TMEM71: variants seen among roughly 807,000 people sequenced by gnomAD.
The protein encoded by TMEM71 is transmembrane protein 71.
Under a neutral mutation model 38.0 loss-of-function variants are expected in TMEM71, and 44 were observed. The ratio of observed to expected loss-of-function variants is 1.16; its 90% CI spans 0.91 to 1.49. The LOEUF (loss-of-function observed/expected upper bound fraction) is 1.49, where lower values mean the gene tolerates loss of function less well. TMEM71 is among the 40% of genes most tolerant of loss of function. The probability of loss-of-function intolerance (pLI) is 0.00; values close to 1 mark genes in which losing one functional copy is unlikely to be tolerated. For missense variants in TMEM71, 367 were observed against 348.6 expected, an observed-to-expected ratio of 1.05 and a Z score of -0.42; for synonymous variants, 133 against 122.5, an observed-to-expected ratio of 1.09 and a Z score of -0.56.
upstream of TMEM71, among the ~76,000 whole-genome samples, chr8:132,762,031 T>G (rs1829305722): frequency 6.6e-6 from 1 of 152,140 alleles, no homozygotes; most frequent in Non-Finnish European, 1.5e-5. Context: ...CCTGCCCAGC[T>G]CCCTGGCCCA....
At chr8:132,775,770 G>A in the TMEM71 span, 1 of 245,182 alleles carries the variant, frequency 4.1e-6, no homozygotes, top group Non-Finnish European at 7.6e-6. Context: ...GTAACTCGCC[G>A]GCCCTATTGT....
chr8:132,706,949 TC>T (rs1826103309), downstream of TMEM71, among the ~76,000 whole-genome samples: 1 of 151,846 alleles, frequency 6.6e-6, no homozygotes, highest in African/African-American at 2.4e-5. Context: ...CCCACAAAAT[TC>T]AAAACAAAAA....
chr8:132,753,585 C>T (rs996944585), intron 3 of TMEM71, among the ~76,000 whole-genome samples: 25 of 152,082 alleles, frequency 1.6e-4, no homozygotes, highest in African/African-American at 6.0e-4. Context: ...GGACCCCACA[C>T]TTACTAAGCA....
At chr8:132,750,507 A>T (rs748570111) in intron 4 of TMEM71, among the ~76,000 whole-genome samples, 3 of 152,198 alleles carry the variant, frequency 2.0e-5, no homozygotes, top group Non-Finnish European at 4.4e-5. Flanking sequence ...CAAGGGAATG[A>T]CCTATATAAT....
intron 5 of TMEM71, among the ~76,000 whole-genome samples, chr8:132,737,520 C>T (rs1224379069): frequency 6.6e-6 from 1 of 152,192 alleles, no homozygotes; most frequent in East Asian, 1.9e-4. Flanking sequence ...GAGCTTTTTC[C>T]CAGGATTAAG....
intron 5 of TMEM71, among the ~76,000 whole-genome samples, chr8:132,735,876 T>C (rs1827719810): frequency 1.3e-5 from 2 of 152,216 alleles, no homozygotes; most frequent in African/African-American, 4.8e-5. Context: ...ATTTTACATT[T>C]TTACTTTAAA....
At chr8:132,772,544 G>C in the TMEM71 span, among the ~76,000 whole-genome samples, 1 of 152,100 alleles carries the variant, frequency 6.6e-6, no homozygotes, top group Admixed American at 6.5e-5. Flanking sequence ...GGTTAAAAGA[G>C]GAAATGACAT....
the TMEM71 span, among the ~76,000 whole-genome samples, chr8:132,768,181 G>C: frequency 6.6e-6 from 1 of 152,324 alleles, no homozygotes; most frequent in East Asian, 1.9e-4. Context: ...GGTAGTGATA[G>C]AGAATGAGAT....
chr8:132,751,689 C>A, intron 4 of TMEM71, 96 bp downstream of exon 4: 2 of 1,196,378 alleles, frequency 1.7e-6, no homozygotes, highest in Non-Finnish European at 2.5e-6. Flanking sequence ...CAATAATGGG[C>A]TCCTTATAAA....
the TMEM71 span, among the ~76,000 whole-genome samples, chr8:132,774,171 A>G: frequency 6.6e-6 from 1 of 152,264 alleles, no homozygotes; most frequent in East Asian, 1.9e-4. Context: ...GAGGGTGGAA[A>G]GTATAATCCT....
At chr8:132,768,461 A>C in the TMEM71 span, among the ~76,000 whole-genome samples, 1 of 152,064 alleles carries the variant, frequency 6.6e-6, no homozygotes, top group African/African-American at 2.4e-5. Flanking sequence ...GATTTATAGG[A>C]TATTTCCCGC....
At chr8:132,735,776 T>C (rs1827714677) in intron 5 of TMEM71, among the ~76,000 whole-genome samples, 1 of 152,246 alleles carries the variant, frequency 6.6e-6, no homozygotes, top group South Asian at 2.1e-4. Context: ...ATTCTCAGAC[T>C]TTAGTCATCC....
chr8:132,718,398 C>CT (rs36014367), intron 7 of TMEM71, among the ~76,000 whole-genome samples: 20,318 of 128,402 alleles, frequency 0.16, 1,898 homozygotes, highest in Middle Eastern at 0.22. Context: ...GGGATTTTCT[C>CT]TTTTTTTTTT....
chr8:132,724,990 C>T (rs959639557), intron 6 of TMEM71, among the ~76,000 whole-genome samples: 2 of 152,166 alleles, frequency 1.3e-5, no homozygotes, highest in African/African-American at 4.8e-5. Context: ...ACAGAGCCAC[C>T]AGGATCCACC....
At chr8:132,749,088 A>T (rs1563754857) in intron 4 of TMEM71, among the ~76,000 whole-genome samples, 1 of 152,234 alleles carries the variant, frequency 6.6e-6, no homozygotes, top group Non-Finnish European at 1.5e-5. Flanking sequence ...TATAGCAAAT[A>T]TTGGCAGTTA....
intron 7 of TMEM71, among the ~76,000 whole-genome samples, chr8:132,721,224 G>A (rs1344820070): frequency 6.6e-6 from 1 of 152,210 alleles, no homozygotes; most frequent in Non-Finnish European, 1.5e-5. Context: ...CACTGCCCTG[G>A]AGACTTGAAT....
At chr8:132,759,175 A>G (rs1829193266) in intron 1 of TMEM71, 1 of 283,968 alleles carries the variant, frequency 3.5e-6, no homozygotes, top group Admixed American at 5.1e-5. Flanking sequence ...CTTTATTTGG[A>G]AAATCTAGAC....
At chr8:132,764,499 C>A (rs985224643), upstream of TMEM71, among the ~76,000 whole-genome samples, 1 of 152,214 alleles carries the variant, frequency 6.6e-6, no homozygotes, top group African/African-American at 2.4e-5. Flanking sequence ...AAATCCTCTT[C>A]ATGGCCTGCC....
chr8:132,729,799 G>T (rs1388132958), intron 5 of TMEM71, among the ~76,000 whole-genome samples: 2 of 152,058 alleles, frequency 1.3e-5, no homozygotes, highest in African/African-American at 4.8e-5. Flanking sequence ...TTTCTGTAGG[G>T]ACTCAAAATG....
Sources: gnomAD v4.1 joint callset for allele counts (sites outside exome capture counted in the v4.1 genomes callset) on GRCh38, gnomAD v4.1.1 for gene constraint, MANE v1.5 for transcripts, NCBI Gene and HGNC (gene_info 2026-07-23, HGNC 2026-07-21) for gene names.